Variants in NBAS observed in about 807,000 individuals in gnomAD.
NBAS encodes NBAS subunit of NRZ tethering complex.
A neutral mutation model predicts 302.5 loss-of-function variants in NBAS; 219 were observed. The ratio of observed to expected loss-of-function variants is 0.72; its 90% CI spans 0.65 to 0.81. The LOEUF (loss-of-function observed/expected upper bound fraction) is 0.81, where lower values mean the gene tolerates loss of function less well. NBAS is among the 30% of genes least tolerant of loss of function. NBAS has a pLI of 0.00. For missense variants in NBAS, 2,932 were observed against 2,841.6 expected (o/e 1.03, Z -0.72); for synonymous variants, 1,118 against 1,021.6 (o/e 1.09, Z -1.80).
chr2:15,287,518 T>G (rs1670100768), intron 41 of NBAS, among the ~76,000 whole-genome samples: 1 of 152,146 alleles, frequency 6.6e-6, no homozygotes, highest in Non-Finnish European at 1.5e-5. Flanking sequence ...TACTAGCATC[T>G]CATGGGTAGA....
At chr2:15,511,589 C>G (rs1662149078) in intron 9 of NBAS, among the ~76,000 whole-genome samples, 2 of 152,010 alleles carry the variant, frequency 1.3e-5, no homozygotes, top group African/African-American at 4.8e-5. Flanking sequence ...CAGGTGGGAA[C>G]TTAGAAATGA....
chr2:14,875,605 G>C, the NBAS span, among the ~76,000 whole-genome samples: 2 of 152,020 alleles, frequency 1.3e-5, no homozygotes, highest in African/African-American at 4.8e-5. Flanking sequence ...GACAGAGTGA[G>C]ACTCTGTCTC....
chr2:15,434,829 T>C (rs1677932543), intron 21 of NBAS, among the ~76,000 whole-genome samples: 1 of 152,172 alleles, frequency 6.6e-6, no homozygotes, highest in Admixed American at 6.5e-5. Context: ...TTGATGAGAA[T>C]AATCCTTATA....
At chr2:14,877,829 C>A in the NBAS span, among the ~76,000 whole-genome samples, 1 of 152,146 alleles carries the variant, frequency 6.6e-6, no homozygotes, top group Non-Finnish European at 1.5e-5. Flanking sequence ...ATATGAGACT[C>A]TTTTTATATG....
intron 23 of NBAS, among the ~76,000 whole-genome samples, chr2:15,419,147 G>A (rs1395031624): frequency 6.6e-6 from 1 of 152,048 alleles, no homozygotes; most frequent in Non-Finnish European, 1.5e-5. Context: ...CTAATATACT[G>A]GGCAAAAATA....
chr2:15,311,872 C>T (rs1011616972), intron 38 of NBAS, among the ~76,000 whole-genome samples: 1 of 152,128 alleles, frequency 6.6e-6, no homozygotes, highest in African/African-American at 2.4e-5. Flanking sequence ...TGATAACTCT[C>T]CACTCTGACA....
At chr2:14,992,694 C>A in the NBAS span, among the ~76,000 whole-genome samples, 1 of 152,170 alleles carries the variant, frequency 6.6e-6, no homozygotes, top group African/African-American at 2.4e-5. Context: ...TCTGCATGTT[C>A]CACACCAGTG....
the NBAS span, among the ~76,000 whole-genome samples, chr2:15,130,177 C>T: frequency 2.6e-5 from 4 of 152,210 alleles, no homozygotes; most frequent in Non-Finnish European, 5.9e-5. Context: ...TCTTCTTACA[C>T]ATAGCATAAT....
chr2:14,837,775 A>G, the NBAS span, among the ~76,000 whole-genome samples: 1 of 151,802 alleles, frequency 6.6e-6, no homozygotes, highest in East Asian at 1.9e-4. Flanking sequence ...TTTGTTTGGA[A>G]TTATCCCCCT....
intron 44 of NBAS, among the ~76,000 whole-genome samples, chr2:15,244,910 T>G (rs997000003): frequency 1.3e-5 from 2 of 152,050 alleles, no homozygotes; most frequent in African/African-American, 4.8e-5. Flanking sequence ...GGTGGGCCCA[T>G]GAAACGTGAG....
Position 15,558,757 on chromosome 2 carries a change from C to T in NBAS, c.118-123G>A, listed in dbSNP as rs1041836186. On this transcript the variant is annotated intron_variant, in intron 1 of 51. Coordinates refer to ENST00000281513, the MANE Select transcript of NBAS (RefSeq NM_015909.4). ...ACTCAGAGTTTTGGGCACAGGGAAG[C>T]AGTGTCTTAAAACTACTTAAAGACT... is the stretch of plus-strand genomic sequence containing the variant. The T allele has an allele frequency of 5.1e-6, 4 of 785,602 alleles. No individual in the cohort carries two copies. The African/African-American group carries it at 5.1e-5, about 10-fold the overall frequency. 48.7% of individuals were successfully genotyped at this position (785,602 alleles called of 1,614,324 possible).
At chr2:15,504,281 A>G in intron 10 of NBAS, 68 bp from the exon 11 acceptor site, 2 of 1,230,194 alleles carry the variant, frequency 1.6e-6, no homozygotes, top group East Asian at 2.3e-5. Flanking sequence ...ATGTCCCTTT[A>G]TAATGAAATG....
chr2:15,431,329 T>C (rs1677754802), intron 21 of NBAS, among the ~76,000 whole-genome samples: 1 of 152,208 alleles, frequency 6.6e-6, no homozygotes, highest in African/African-American at 2.4e-5. Flanking sequence ...TTCCAGGATG[T>C]TTCTACAAAA....
the NBAS span, among the ~76,000 whole-genome samples, chr2:14,903,835 C>A: frequency 3.2e-4 from 48 of 151,984 alleles, no homozygotes; most frequent in East Asian, 8.7e-3. Flanking sequence ...CCTGTCCCCC[C>A]CATCCCCCTG....
At chr2:15,360,358 A>T (rs1284487260) in intron 32 of NBAS, among the ~76,000 whole-genome samples, 1 of 151,038 alleles carries the variant, frequency 6.6e-6, no homozygotes, top group Non-Finnish European at 1.5e-5. Flanking sequence ...AAAACAAAAC[A>T]GAATCTCACT....
intron 11 of NBAS, among the ~76,000 whole-genome samples, chr2:15,503,564 A>G (rs1479824323): frequency 6.6e-6 from 1 of 152,184 alleles, no homozygotes; most frequent in African/African-American, 2.4e-5. Flanking sequence ...AAACAGAGAA[A>G]CAAATGTAAC....
the NBAS span, among the ~76,000 whole-genome samples, chr2:15,116,610 A>T: frequency 6.6e-6 from 1 of 152,246 alleles, no homozygotes; most frequent in South Asian, 2.1e-4. Context: ...TAGGCACACA[A>T]ATATTCAATC....
intron 26 of NBAS, among the ~76,000 whole-genome samples, chr2:15,400,219 C>T (rs186942211): frequency 0.013 from 1,820 of 142,046 alleles, 18 homozygotes; most frequent in Non-Finnish European, 0.017. Flanking sequence ...AGGAAGAGAG[C>T]GAGAAAAGAA....
At chr2:15,127,871 C>G in the NBAS span, among the ~76,000 whole-genome samples, 1 of 152,128 alleles carries the variant, frequency 6.6e-6, no homozygotes, top group Non-Finnish European at 1.5e-5. Flanking sequence ...GCCCCTGACC[C>G]CCAACCCAGA....
Sources: allele counts gnomAD v4.1 joint callset (sites outside exome capture counted in the v4.1 genomes callset), GRCh38; gene constraint gnomAD v4.1.1; transcripts MANE v1.5; gene names NCBI Gene and HGNC (gene_info 2026-07-23, HGNC 2026-07-21).